OR4D1: variants seen among roughly 807,000 people sequenced by gnomAD.
The protein encoded by OR4D1 is olfactory receptor 4D1.
A neutral mutation model predicts 14.2 loss-of-function variants in OR4D1; 10 were observed. That is an observed-to-expected ratio of 0.71 (90% CI 0.44 to 1.20). The LOEUF is 1.20. Ranked by LOEUF, OR4D1 falls within the 50% of genes most tolerant of loss-of-function variation. The probability of loss-of-function intolerance (pLI) is 0.00; values close to 1 mark genes in which losing one functional copy is unlikely to be tolerated. For missense variants in OR4D1, 345 were observed against 376.6 expected (o/e 0.92, Z 0.70); for synonymous variants, 141 against 147.4 (o/e 0.96, Z 0.32).
At chr17:58,154,542 C>T (rs1214617632) in intron 3 of OR4D1, among the ~76,000 whole-genome samples, 3 of 152,158 alleles carry the variant, frequency 2.0e-5, no homozygotes, top group East Asian at 1.9e-4. Flanking sequence ...ATCCCAGCTT[C>T]GCTACAACCA....
In OR4D1 at chr17:58,155,306, T is replaced by C. The variant is rs761422214; in HGVS notation, c.153T>C (p.Phe51=). 8 of 1,613,932 alleles carry C rather than the reference T, an allele frequency of 5.0e-6. No individual in the cohort carries two copies. The African/African-American group carries it at 6.7e-5, about 13-fold the overall frequency. Residue 51 remains phenylalanine (F), a synonymous_variant, in exon 4 of 4, where the codon TTT becomes TTC. Coordinates refer to ENST00000268912, the MANE Select transcript of OR4D1 (RefSeq NM_001386095.1). ...TCCTTATCATGGTCACAGTGACTTT[T>C]GACTGCCGGCTCCACACACCCATGT... The part of the protein sequence containing the change: ...GNLLIMVTVT[F]DCRLHTPMYF...
Position 58,155,796 on chromosome 17 carries a change from C to A in OR4D1, c.643C>A (p.Leu215Met). The change falls in exon 4 of 4, where the codon CTG (leucine) becomes ATG (methionine). Residue 215 changes from leucine (L) to methionine (M), a missense_variant. Physicochemically the swap from Leu to Met is conservative, Grantham distance 15. Transcript: ENST00000268912. Reference sequence around the variant, plus strand: ...AGTTATCATCTGGTTCCTCCTCCTTCTGATCTCTTATACTGTCATCCTGGT... The same window carrying A: ...AGTTATCATCTGGTTCCTCCTCCTTATGATCTCTTATACTGTCATCCTGGT... ...LLVIIWFLLLLISYTVILVML... is the reference protein window; with the variant it reads ...LLVIIWFLLLMISYTVILVML... 6.2e-7 allele frequency: 1 copy of A among 1,614,242 alleles called. No homozygotes were observed. Among genetic ancestry groups the A allele is most frequent in the Non-Finnish European group, 8.5e-7 (1 of 1,180,040 alleles).
chr17:58,151,442 G>A (rs1331497701), intron 2 of OR4D1, among the ~76,000 whole-genome samples: 1 of 152,072 alleles, frequency 6.6e-6, no homozygotes, highest in Non-Finnish European at 1.5e-5. Context: ...ACGGGCCCCA[G>A]TGTGTGTTTT....
chr17:58,156,246 CT>C lies in OR4D1; in HGVS notation c.*167del, dbSNP rs1219082089. The C allele has an allele frequency of 2.1e-5, 12 of 582,486 alleles. No homozygotes were observed. The highest frequency in any genetic ancestry group is 4.9e-5 in the South Asian group (2 of 40,814). The allele number at this position is 582,486 out of a possible 1,614,324, so 36.1% of individuals were successfully genotyped here. ...AAGTACTGTGTTAAGCACTTCCACG[CT>C]TTTTTTCTTTTTTTTTTTTTTTAGA... On this transcript the variant is annotated 3_prime_UTR_variant, in exon 4 of 4. Coordinates refer to ENST00000268912, the MANE Select transcript of OR4D1 (RefSeq NM_001386095.1).
In OR4D1 at chr17:58,155,466, C is replaced by T; in HGVS notation, c.313C>T (p.His105Tyr). ...CTGCATGGCCCAGATCTTCTTCTTC[C>T]ACCTTTTGGGAGGTGGGACTGTCTT... ...QGCMAQIFFF[H>Y]LLGGGTVFFL... The change falls in exon 4 of 4, where the codon CAC becomes TAC. Residue 105 changes from histidine to tyrosine, a missense_variant. Physicochemically the swap from His to Tyr is moderately conservative, Grantham distance 83. Transcript: ENST00000268912. 2 of 1,614,188 alleles carry T rather than the reference C, an allele frequency of 1.2e-6. No homozygotes were observed. Among genetic ancestry groups the T allele is most frequent in the Non-Finnish European group, 1.7e-6 (2 of 1,180,044 alleles).
chr17:58,154,339 A>G (rs1353844839), intron 3 of OR4D1, among the ~76,000 whole-genome samples: 3 of 150,490 alleles, frequency 2.0e-5, no homozygotes, highest in Non-Finnish European at 4.4e-5. Flanking sequence ...TTACATTTTA[A>G]AAGCTCTCCC....
intron 1 of OR4D1, among the ~76,000 whole-genome samples, 199 bp from the exon 2 acceptor site, chr17:58,149,230 T>C (rs1967668578): frequency 6.6e-6 from 1 of 152,192 alleles, no homozygotes; most frequent in Non-Finnish European, 1.5e-5. Flanking sequence ...CTAGAATCCC[T>C]CTAAATCTAT....
chr17:58,157,905 C>T lies in OR4D1; in HGVS notation c.*1819C>T, dbSNP rs1967799129. The T allele has an allele frequency of 1.7e-6, 2 of 1,172,652 alleles. No homozygotes were observed. The highest frequency in any genetic ancestry group is 2.5e-5 in the South Asian group (2 of 80,088). 72.6% of individuals were successfully genotyped at this position (1,172,652 alleles called of 1,614,324 possible). On this transcript the variant is annotated 3_prime_UTR_variant, in exon 4 of 4. Transcript: ENST00000268912. ...CCAGCCAATACTCCTGTTCTGCAAA[C>T]CCTGAGTGCACCACCCTAAGCGGCT...
Position 58,157,950 on chromosome 17 carries a change from A to G in OR4D1, c.*1864A>G. On this transcript the variant is annotated 3_prime_UTR_variant, in exon 4 of 4. Transcript: ENST00000268912. ...GCGGCTAGGCCGGCAGGGCCACACG[A>G]CACAGCTGAAGTTTGTTCTTTAGGC... is the stretch of plus-strand genomic sequence containing the variant. The G allele has an allele frequency of 1.4e-6, 1 of 699,666 alleles. No individual in the cohort carries two copies. Among genetic ancestry groups the G allele is most frequent in the African/African-American group, 1.7e-5 (1 of 57,190 alleles). 43.3% of individuals were successfully genotyped at this position (699,666 alleles called of 1,614,324 possible). A position where few individuals can be genotyped will look rare whatever the true frequency, so the allele number is the denominator to read the frequency against.
In OR4D1 at chr17:58,156,267, T is replaced by C. The variant is rs1967772880; in HGVS notation, c.*181T>C. 1 of 567,950 alleles carries C rather than the reference T, an allele frequency of 1.8e-6. No homozygotes were observed. 35.2% of individuals were successfully genotyped at this position (567,950 alleles called of 1,614,324 possible). ...CACGCTTTTTTTCTTTTTTTTTTTT[T>C]TTAGATGGAGCCTTGCTCTGTCACC... On this transcript the variant is annotated 3_prime_UTR_variant, in exon 4 of 4. Coordinates refer to ENST00000268912, the MANE Select transcript of OR4D1 (RefSeq NM_001386095.1).
intron 2 of OR4D1, among the ~76,000 whole-genome samples, chr17:58,152,252 G>A (rs1442001151): frequency 1.3e-5 from 2 of 152,202 alleles, no homozygotes; most frequent in Admixed American, 6.5e-5. Context: ...TGATCTGGCC[G>A]CCTCGGCCTC....
At chr17:58,148,929 A>C (rs905945597) in intron 1 of OR4D1, among the ~76,000 whole-genome samples, 1 of 152,008 alleles carries the variant, frequency 6.6e-6, no homozygotes, top group African/African-American at 2.4e-5. Flanking sequence ...CACTCACTCC[A>C]GATTTTCTTC....
Position 58,155,523 on chromosome 17 carries a change from A to G in OR4D1, c.370A>G (p.Ile124Val), listed in dbSNP as rs1433139539. The G allele has an allele frequency of 6.2e-7, 1 of 1,614,046 alleles. No individual in the cohort carries two copies. The highest frequency in any genetic ancestry group is 8.5e-7 in the Non-Finnish European group (1 of 1,180,030). ...CTCAGTCATGGCCTATGACCGCTACATAGCCATCTCCCAGCCCCTCCGGTA... is the reference window on the plus strand; with the variant it reads ...CTCAGTCATGGCCTATGACCGCTACGTAGCCATCTCCCAGCCCCTCCGGTA... ...FLSVMAYDRY[I>V]AISQPLRYVT... Residue 124 changes from isoleucine (I) to valine (V), a missense_variant, in exon 4 of 4, where the codon ATA (isoleucine) becomes GTA (valine). By Grantham distance (29) the Ile-to-Val change is conservative. Coordinates refer to ENST00000268912, the MANE Select transcript of OR4D1 (RefSeq NM_001386095.1).
In OR4D1 at chr17:58,157,448, A is replaced by ACCACGTC; in HGVS notation, c.*1366_*1372dup. 2 of 1,105,896 alleles carry ACCACGTC rather than the reference A, an allele frequency of 1.8e-6. No homozygotes were observed. The highest frequency in any genetic ancestry group is 4.8e-5 in the East Asian group (2 of 41,678). 68.5% of individuals were successfully genotyped at this position (1,105,896 alleles called of 1,614,324 possible). ...CAATCCGAAGCCGCGCACAGCCTTT[A>ACCACGTC]CCACGTCCCAGCTCCTCGCTCTGGA... On this transcript the variant is annotated 3_prime_UTR_variant, in exon 4 of 4. Transcript: ENST00000268912.
chr17:58,157,228 G>C lies in OR4D1; in HGVS notation c.*1142G>C, dbSNP rs1243358774. ...AGCGCCTCTTCCGGGGCCACCCTGC[G>C]GCTACTGCTGCTGCCGGGGCACGGC... On this transcript the variant is annotated 3_prime_UTR_variant, in exon 4 of 4. Transcript: ENST00000268912. 11 of 1,465,218 alleles carry C rather than the reference G, an allele frequency of 7.5e-6. No individual in the cohort carries two copies. The highest frequency in any genetic ancestry group is 2.9e-5 in the South Asian group (2 of 69,848). 90.8% of individuals were successfully genotyped at this position (1,465,218 alleles called of 1,614,324 possible). A position where few individuals can be genotyped will look rare whatever the true frequency, so the allele number is the denominator to read the frequency against.
intron 2 of OR4D1, among the ~76,000 whole-genome samples, chr17:58,150,033 C>T (rs1480814966): frequency 2.0e-5 from 3 of 152,180 alleles, no homozygotes; most frequent in Admixed American, 6.5e-5. Flanking sequence ...AGTATAGTGT[C>T]TATCACATAG....
chr17:58,157,545 C>A lies in OR4D1; in HGVS notation c.*1459C>A. On this transcript the variant is annotated 3_prime_UTR_variant, in exon 4 of 4. Coordinates refer to ENST00000268912, the MANE Select transcript of OR4D1 (RefSeq NM_001386095.1). Reference sequence around the variant, plus strand: ...GACTTCTCCAGCTCTCCGAACCTCACGGAGACTCAGGTCAAAATCTTGTTC... The same window carrying A: ...GACTTCTCCAGCTCTCCGAACCTCAAGGAGACTCAGGTCAAAATCTTGTTC... 1 of 1,491,906 alleles carries A rather than the reference C, an allele frequency of 6.7e-7. No homozygotes were observed. Among genetic ancestry groups the A allele is most frequent in the Non-Finnish European group, 9.4e-7 (1 of 1,069,384 alleles). 92.4% of individuals were successfully genotyped at this position (1,491,906 alleles called of 1,614,324 possible). A position where few individuals can be genotyped will look rare whatever the true frequency, so the allele number is the denominator to read the frequency against.
rs55825629 is a variant in OR4D1, at chr17:58,157,436, C to T, written c.*1350C>T. ...AAAACACAAGACCAATCCGAAGCCG[C>T]GCACAGCCTTTACCACGTCCCAGCT... On this transcript the variant is annotated 3_prime_UTR_variant, in exon 4 of 4. Coordinates refer to ENST00000268912, the MANE Select transcript of OR4D1 (RefSeq NM_001386095.1). 8.9e-7 allele frequency: 1 copy of T among 1,119,314 alleles called. No homozygotes were observed. Among genetic ancestry groups the T allele is most frequent in the Non-Finnish European group, 1.3e-6 (1 of 742,402 alleles). 69.3% of individuals were successfully genotyped at this position (1,119,314 alleles called of 1,614,324 possible).
intron 2 of OR4D1, among the ~76,000 whole-genome samples, chr17:58,151,118 A>G (rs1231033541): frequency 6.6e-6 from 1 of 152,080 alleles, no homozygotes; most frequent in Non-Finnish European, 1.5e-5. Context: ...TTCCCTTTAT[A>G]TTTATACTAT....
Sources: gnomAD v4.1 joint callset for allele counts (sites outside exome capture counted in the v4.1 genomes callset) on GRCh38, gnomAD v4.1.1 for gene constraint, MANE v1.5 for transcripts, NCBI Gene and HGNC (gene_info 2026-07-23, HGNC 2026-07-21) for gene names.